CASP4: variants seen among roughly 807,000 people sequenced by gnomAD.
The protein encoded by CASP4 is caspase 4, also known as caspase-4.
In CASP4, 29 loss-of-function variants were observed where a neutral mutation model predicts 41.3. That is an observed-to-expected ratio of 0.70 (90% CI 0.52 to 0.96). The LOEUF is 0.96. Among genes scored for constraint, CASP4 ranks in the 40% least tolerant of loss-of-function variants. The probability of loss-of-function intolerance (pLI) is 0.00; values close to 1 mark genes in which losing one functional copy is unlikely to be tolerated. For synonymous variants in CASP4, 185 were observed against 158.4 expected (o/e 1.17, Z -1.26); for missense variants, 447 against 460.6 (o/e 0.97, Z 0.27).
At chr11:104,947,056 ATGAG>A (rs777881125) in intron 7 of CASP4, 23 bp downstream of exon 7, 1 of 1,407,792 alleles carries the variant, frequency 7.1e-7, no homozygotes, top group South Asian at 1.2e-5. Flanking sequence ...GAAGAAATAA[ATGAG>A]TAACTAGAAA....
At position 104,949,330 on chromosome 11, in the gene CASP4, TTACTGTGGA is replaced by T. The variant is rs138162044; in HGVS notation, c.781+204_781+212del. On this transcript the variant is annotated intron_variant, in intron 5 of 8. Coordinates refer to ENST00000444739, the MANE Select transcript of CASP4 (RefSeq NM_001225.4). ...GGATTCTGATGATCTCCTTCACCACTTACTGTGGATAAAATTGAACAGAAATTTCTCCAC... is the reference window on the plus strand; with the variant it reads ...GGATTCTGATGATCTCCTTCACCACTTAAAATTGAACAGAAATTTCTCCAC... The T allele has an allele frequency of 0.015, 8,810 of 592,764 alleles. 610 individuals are homozygous for T. In the East Asian group the frequency reaches 0.17, roughly 12 times the overall value. The allele number at this position is 592,764 out of a possible 1,614,324, so 36.7% of individuals were successfully genotyped here. A position where few individuals can be genotyped will look rare whatever the true frequency, so the allele number is the denominator to read the frequency against.
intron 1 of CASP4, among the ~76,000 whole-genome samples, chr11:104,967,267 G>A (rs1383077347): frequency 6.6e-6 from 1 of 152,124 alleles, no homozygotes; most frequent in Non-Finnish European, 1.5e-5. Context: ...TGATTCCAGA[G>A]CTTAAGTTAA....
chr11:104,948,195 G>T (rs506761), intron 6 of CASP4: 153,848 of 164,732 alleles, frequency 0.93, 72,784 homozygotes, highest in East Asian at 1. Context: ...GCTCATTGTA[G>T]AATCAGATGT....
Position 104,951,110 on chromosome 11 carries a change from G to A in CASP4, c.373-12C>T. The A allele has an allele frequency of 6.2e-7, 1 of 1,605,446 alleles. No individual in the cohort carries two copies. The highest frequency in any genetic ancestry group is 8.5e-7 in the Non-Finnish European group (1 of 1,175,172). On this transcript the variant is annotated splice_polypyrimidine_tract_variant and intron_variant, in intron 3 of 8. Transcript: ENST00000444739. ...TTTATTGGATAGATCTGCAGGATAT[G>A]GAGATGCAATAAATTTAATTTACTC...
At chr11:104,944,979 G>T in intron 7 of CASP4, 128 bp from the exon 8 acceptor site, 1 of 666,742 alleles carries the variant, frequency 1.5e-6, no homozygotes, top group Non-Finnish European at 2.7e-6. Context: ...AAGCCCATGG[G>T]CATTCTAACT....
intron 7 of CASP4, among the ~76,000 whole-genome samples, chr11:104,945,252 CTTTT>C (rs150869769): frequency 0.013 from 1,919 of 142,210 alleles, 23 homozygotes; most frequent in African/African-American, 0.029. Flanking sequence ...TCTTATCTTT[CTTTT>C]TTTTTTTTTT....
chr11:104,968,410 T>G, intron 1 of CASP4, 109 bp downstream of exon 1: 1 of 971,614 alleles, frequency 1.0e-6, no homozygotes, highest in South Asian at 1.3e-5. Context: ...GAAAAGGAAT[T>G]CAACATGTGT....
intron 3 of CASP4, 134 bp downstream of exon 3, chr11:104,951,762 C>T (rs1565365796): frequency 1.4e-6 from 1 of 698,924 alleles, no homozygotes; most frequent in Non-Finnish European, 2.6e-6. Context: ...TAATCTTTCC[C>T]TTAGTAAAAG....
At chr11:104,946,881 T>C (rs180863076) in intron 7 of CASP4, 9 of 451,414 alleles carry the variant, frequency 2.0e-5, no homozygotes, top group Admixed American at 7.2e-5. Flanking sequence ...ATGGTTGATA[T>C]TATTTTATTT....
In CASP4 at chr11:104,951,963, G is replaced by A; in HGVS notation, c.305C>T (p.Ser102Phe). The A allele has an allele frequency of 6.2e-7, 1 of 1,612,810 alleles. No individual in the cohort carries two copies. Among genetic ancestry groups the A allele is most frequent in the Non-Finnish European group, 8.5e-7 (1 of 1,179,288 alleles). ...MEAGPPESGE[S>F]TDALKLCPHE... The stretch of plus-strand genomic sequence containing the variant: ...AGGACAAAGCTTGAGGGCATCTGTA[G>A]ATTCTCCTGACTCAGGTGGTCCAGC... Residue 102 changes from serine (S) to phenylalanine (F), a missense_variant, in exon 3 of 9, where the codon TCT becomes TTT. Coordinates refer to ENST00000444739, the MANE Select transcript of CASP4 (RefSeq NM_001225.4).
At chr11:104,968,278 T>C (rs1277573746) in intron 1 of CASP4, among the ~76,000 whole-genome samples, 1 of 152,220 alleles carries the variant, frequency 6.6e-6, no homozygotes, top group Non-Finnish European at 1.5e-5. Context: ...CTCCCTTTGA[T>C]TACCAGAAGC....
At chr11:104,963,881 G>C (rs1860915806) in intron 1 of CASP4, among the ~76,000 whole-genome samples, 1 of 152,060 alleles carries the variant, frequency 6.6e-6, no homozygotes, top group Non-Finnish European at 1.5e-5. Flanking sequence ...AGCTGTGCCT[G>C]CTTATTTAGC....
chr11:104,958,071 G>A (rs1591132765), intron 1 of CASP4, among the ~76,000 whole-genome samples: 1 of 152,138 alleles, frequency 6.6e-6, no homozygotes, highest in East Asian at 1.9e-4. Context: ...AAATGATATT[G>A]GGAAAATTGT....
At chr11:104,968,427 G>A in intron 1 of CASP4, 92 bp downstream of exon 1, 4 of 1,145,060 alleles carry the variant, frequency 3.5e-6, no homozygotes, top group Middle Eastern at 2.0e-4. Flanking sequence ...GTGTGCTATC[G>A]GCTCACTTCC....
Position 104,948,565 on chromosome 11 carries a change from TTCTCCACGTGGG to T in CASP4, c.881_892del (p.Thr294_Glu297del). On this transcript the variant is annotated inframe_deletion, in exon 6 of 9. Coordinates refer to ENST00000444739, the MANE Select transcript of CASP4 (RefSeq NM_001225.4). Reference sequence around the variant, plus strand: ...TGAAGAGCAGAAAGCAATGAAGTCCTTCTCCACGTGGGTCTTGTAAACAGCATCTTCCTCTAG... The same window carrying T: ...TGAAGAGCAGAAAGCAATGAAGTCCTTCTTGTAAACAGCATCTTCCTCTAG... 9 of 1,610,630 alleles carry T rather than the reference TTCTCCACGTGGG, an allele frequency of 5.6e-6. No homozygotes were observed. Among genetic ancestry groups the T allele is most frequent in the Non-Finnish European group, 7.6e-6 (9 of 1,177,906 alleles).
At chr11:104,948,797 CAT>C in intron 5 of CASP4, 121 bp from the exon 6 acceptor site, 1 of 653,508 alleles carries the variant, frequency 1.5e-6, no homozygotes, top group East Asian at 2.8e-5. Context: ...GACCCACACA[CAT>C]ACAAACACAC....
At position 104,950,907 on chromosome 11, in the gene CASP4, C is replaced by G. The variant is rs56315921; in HGVS notation, c.546+18G>C. The G allele has an allele frequency of 1.9e-6, 3 of 1,603,716 alleles. No homozygotes were observed. The highest frequency in any genetic ancestry group is 3.4e-5 in the Admixed American group (2 of 59,134). On this transcript the variant is annotated intron_variant, in intron 4 of 8. Coordinates refer to ENST00000444739, the MANE Select transcript of CASP4 (RefSeq NM_001225.4). Reference sequence around the variant, plus strand: ...GTCTTGAATATGTATGTGTTTGTGGCGGCTGAGGGATTCTTACCCTGGCTG... The same window carrying G: ...GTCTTGAATATGTATGTGTTTGTGGGGGCTGAGGGATTCTTACCCTGGCTG...
intron 1 of CASP4, among the ~76,000 whole-genome samples, chr11:104,957,040 A>G (rs561755718): frequency 9.9e-5 from 15 of 152,092 alleles, no homozygotes; most frequent in East Asian, 1.9e-4. Context: ...CTTCCATTCA[A>G]CGTAGTTCTG....
rs796390674 is a variant in CASP4 at position 104,963,090 on chromosome 11, T to G, written c.7+5429A>C. 3.3e-4 allele frequency among the ~76,000 whole-genome samples: 51 copies of G among 152,346 alleles called. 1 individual carries two copies. Among genetic ancestry groups the G allele is most frequent in the African/African-American group, 1.0e-3 (42 of 41,578 alleles). On this transcript the variant is annotated intron_variant, in intron 1 of 8. Transcript: ENST00000444739. ...TGGCTAAAGTTGGGTAATACGAAAT[T>G]TAAAAGGATTTTGTTAAGAGCACTA...
Sources: gnomAD v4.1 joint callset for allele counts (sites outside exome capture counted in the v4.1 genomes callset) on GRCh38, gnomAD v4.1.1 for gene constraint, MANE v1.5 for transcripts, NCBI Gene and HGNC (gene_info 2026-07-23, HGNC 2026-07-21) for gene names.